ENOX2: variants seen among roughly 807,000 people sequenced by gnomAD.
ENOX2 encodes APK1 antigen.
A neutral mutation model predicts 45.0 loss-of-function variants in ENOX2; 36 were observed. The observed-to-expected ratio is 0.80, with a 90% CI of 0.61 to 1.06. The LOEUF (loss-of-function observed/expected upper bound fraction) is 1.06, where lower values mean the gene tolerates loss of function less well. ENOX2 is among the 50% of genes least tolerant of loss of function. The probability of loss-of-function intolerance (pLI) is 0.00; values close to 1 mark genes in which losing one functional copy is unlikely to be tolerated. For synonymous variants in ENOX2, 174 were observed against 152.3 expected (o/e 1.14, Z -1.05); for missense variants, 423 against 462.5 (o/e 0.91, Z 0.78).
At chrX:130,682,528 G>T (rs1211471449) in intron 5 of ENOX2, among the ~76,000 whole-genome samples, 2 of 89,710 alleles carry the variant, frequency 2.2e-5, no homozygotes, top group Non-Finnish European at 4.1e-5. Flanking sequence ...AGCTTGCAGT[G>T]AGCTAAGATC....
chrX:130,651,620 T>G (rs1227647600), intron 10 of ENOX2, among the ~76,000 whole-genome samples: 1 of 111,764 alleles, frequency 8.9e-6, no homozygotes, highest in Non-Finnish European at 1.9e-5. Flanking sequence ...GCTACATCAA[T>G]ACACACTCAT....
intron 2 of ENOX2, among the ~76,000 whole-genome samples, chrX:130,896,977 G>T (rs1441515237): frequency 8.9e-6 from 1 of 112,165 alleles, no homozygotes; most frequent in Non-Finnish European, 1.9e-5. Context: ...GCACACATGG[G>T]CTGCGTTCTG....
At position 130,788,395 on chromosome X, in the gene ENOX2, T is replaced by C. The variant is rs780732110; in HGVS notation, c.-182-4705A>G. ...AGTTTTGAGGTTATCTAGTTTATTCTTCTATTTCTATAGAAATTTTATCTA... is the reference window on the plus strand; with the variant it reads ...AGTTTTGAGGTTATCTAGTTTATTCCTCTATTTCTATAGAAATTTTATCTA... On this transcript the variant is annotated intron_variant, in intron 2 of 14. Transcript: ENST00000394363. 2.5e-4 allele frequency among the ~76,000 whole-genome samples: 28 copies of C among 111,999 alleles called. No homozygotes were observed. The South Asian group carries it at 0.01, about 42-fold the overall frequency.
intron 2 of ENOX2, among the ~76,000 whole-genome samples, chrX:130,851,235 C>A (rs777292570): frequency 8.9e-6 from 1 of 111,760 alleles, no homozygotes; most frequent in Non-Finnish European, 1.9e-5. Context: ...TTTGTTTTAG[C>A]CTAGCCCTAA....
chrX:130,699,944 T>A (rs1239537240), intron 4 of ENOX2, among the ~76,000 whole-genome samples: 1 of 112,412 alleles, frequency 8.9e-6, no homozygotes, highest in Non-Finnish European at 1.9e-5. Flanking sequence ...ATAGCTGAGT[T>A]AATTGAGGAA....
chrX:130,626,840 C>G (rs1374180410), intron 14 of ENOX2, among the ~76,000 whole-genome samples: 2 of 111,650 alleles, frequency 1.8e-5, no homozygotes, highest in Non-Finnish European at 3.8e-5. Flanking sequence ...ACATTTTGGA[C>G]AGCACCTATA....
At chrX:130,676,790 CTATTACAACAGGCT>C (rs1219509086) in intron 6 of ENOX2, among the ~76,000 whole-genome samples, 1 of 111,600 alleles carries the variant, frequency 9.0e-6, no homozygotes, top group East Asian at 2.8e-4. Context: ...TTTCCCTGGC[CTATTACAACAGGCT>C]TCTAACTGAC....
intron 2 of ENOX2, among the ~76,000 whole-genome samples, chrX:130,838,805 A>G (rs773640267): frequency 6.2e-5 from 7 of 112,074 alleles, no homozygotes; most frequent in Non-Finnish European, 1.3e-4. Flanking sequence ...TCTTATCACT[A>G]TGATATTTTT....
intron 2 of ENOX2, among the ~76,000 whole-genome samples, chrX:130,833,403 C>T (rs1486255770): frequency 9.0e-6 from 1 of 110,975 alleles, no homozygotes; most frequent in Non-Finnish European, 1.9e-5. Flanking sequence ...TTGCTAGGTG[C>T]CAGGCACTGT....
At chrX:130,634,520 A>G (rs1396689014) in intron 12 of ENOX2, among the ~76,000 whole-genome samples, 1 of 111,438 alleles carries the variant, frequency 9.0e-6, no homozygotes, top group African/African-American at 3.3e-5. Flanking sequence ...GGTATTGGCT[A>G]TTCCTCTCAT....
intron 2 of ENOX2, among the ~76,000 whole-genome samples, chrX:130,819,587 A>G (rs1043487108): frequency 8.9e-6 from 1 of 111,910 alleles, no homozygotes; most frequent in Non-Finnish European, 1.9e-5. Flanking sequence ...ACATGGATGA[A>G]GCTGGAAAGC....
chrX:130,820,994 CAT>C (rs1315879151), intron 2 of ENOX2, among the ~76,000 whole-genome samples: 1 of 112,367 alleles, frequency 8.9e-6, no homozygotes, highest in Non-Finnish European at 1.9e-5. Context: ...TGATGTAACA[CAT>C]ATGTTAATTA....
intron 2 of ENOX2, among the ~76,000 whole-genome samples, chrX:130,851,960 T>C (rs1409797639): frequency 1.8e-5 from 2 of 112,189 alleles, no homozygotes; most frequent in African/African-American, 6.5e-5. Flanking sequence ...CTAAGCAAAA[T>C]GTGGAAATTT....
chrX:130,736,952 A>T (rs959980163), intron 3 of ENOX2, among the ~76,000 whole-genome samples: 13 of 112,025 alleles, frequency 1.2e-4, no homozygotes, highest in Non-Finnish European at 1.9e-5. Context: ...GTTGTGAGAG[A>T]AGCCCCCAAG....
intron 3 of ENOX2, among the ~76,000 whole-genome samples, chrX:130,731,004 G>A (rs753469327): frequency 9.0e-5 from 10 of 110,916 alleles, no homozygotes; most frequent in Non-Finnish European, 1.9e-4. Flanking sequence ...GCCTGAACCT[G>A]TATTTCAGGT....
chrX:130,877,606 T>A (rs1166005726), intron 2 of ENOX2, among the ~76,000 whole-genome samples: 1 of 112,170 alleles, frequency 8.9e-6, no homozygotes, highest in Non-Finnish European at 1.9e-5. Flanking sequence ...AACTTTAACT[T>A]GGGATCATAA....
intron 2 of ENOX2, among the ~76,000 whole-genome samples, chrX:130,857,796 A>C (rs2078337470): frequency 8.9e-6 from 1 of 111,931 alleles, no homozygotes; most frequent in African/African-American, 3.2e-5. Flanking sequence ...TATGTCAAAA[A>C]TATTAAGTAA....
intron 2 of ENOX2, among the ~76,000 whole-genome samples, chrX:130,861,617 G>A (rs978590240): frequency 5.4e-5 from 6 of 111,641 alleles, no homozygotes; most frequent in Admixed American, 1.9e-4. Flanking sequence ...AGGGTTTCCA[G>A]GGCCTGGGAG....
At chrX:130,828,543 T>C (rs1329615459) in intron 2 of ENOX2, among the ~76,000 whole-genome samples, 1 of 112,135 alleles carries the variant, frequency 8.9e-6, no homozygotes, top group Admixed American at 9.4e-5. Context: ...AACATCTATA[T>C]TCATTGAGCT....
Sources: gnomAD v4.1 joint callset for allele counts (sites outside exome capture counted in the v4.1 genomes callset) on GRCh38, gnomAD v4.1.1 for gene constraint, MANE v1.5 for transcripts, NCBI Gene and HGNC (gene_info 2026-07-23, HGNC 2026-07-21) for gene names.